Variants in ERBB4 observed in about 807,000 individuals in gnomAD.
The protein encoded by ERBB4 is receptor tyrosine-protein kinase erbB-4.
Under a neutral mutation model 158.0 loss-of-function variants are expected in ERBB4, and 42 were observed. The observed-to-expected ratio is 0.27, with a 90% CI of 0.21 to 0.34. The LOEUF is 0.34. ERBB4 is among the 10% of genes least tolerant of loss of function. The pLI, the probability that ERBB4 is intolerant of heterozygous loss-of-function variation, is 1.00. For missense variants in ERBB4, 1,333 were observed against 1,624.1 expected (o/e 0.82, Z 3.08); for synonymous variants, 583 against 558.7 (o/e 1.04, Z -0.61).
At position 211,672,455 on chromosome 2, in the gene ERBB4, T is replaced by C. The variant is rs546234509; in HGVS notation, c.1716+709A>G. ...TTATAATTTTCTCTCTGAGGCTAAC[T>C]TCAAACTATGTAAATGAGACCTCAT... On this transcript the variant is annotated intron_variant, in intron 14 of 27. Transcript: ENST00000342788. Among the ~76,000 whole-genome samples the C allele has an allele frequency of 6.6e-5, 10 of 152,284 alleles. No individual in the cohort carries two copies. In the East Asian group the frequency reaches 1.7e-3, roughly 26 times the overall value.
intron 2 of ERBB4, among the ~76,000 whole-genome samples, chr2:211,989,754 T>C (rs2082025786): frequency 6.6e-6 from 1 of 151,948 alleles, no homozygotes; most frequent in South Asian, 2.1e-4. Flanking sequence ...TGAGTTTTTA[T>C]GAATAAAAAA....
chr2:212,374,373 CACATT>C (rs1466493220), intron 1 of ERBB4, among the ~76,000 whole-genome samples: 4 of 151,782 alleles, frequency 2.6e-5, no homozygotes, highest in African/African-American at 9.7e-5. Flanking sequence ...AAGGGAACAG[CACATT>C]ATAGTATAGC....
chr2:212,274,227 C>A (rs978206980), intron 1 of ERBB4, among the ~76,000 whole-genome samples: 43 of 151,956 alleles, frequency 2.8e-4, no homozygotes, highest in African/African-American at 1.0e-3. Context: ...ATCTACAGGA[C>A]ATATCAAGCA....
chr2:212,207,288 A>G (rs2082792747), intron 1 of ERBB4, among the ~76,000 whole-genome samples: 1 of 152,224 alleles, frequency 6.6e-6, no homozygotes, highest in Non-Finnish European at 1.5e-5. Flanking sequence ...AAGAGATAAG[A>G]AAGTGGAGTC....
intron 2 of ERBB4, among the ~76,000 whole-genome samples, chr2:212,035,007 A>G (rs1163422315): frequency 6.6e-6 from 1 of 152,214 alleles, no homozygotes; most frequent in Non-Finnish European, 1.5e-5. Context: ...AAGCAGTAGG[A>G]AAATATCTTA....
intron 11 of ERBB4, among the ~76,000 whole-genome samples, chr2:211,703,814 C>T (rs1401744758): frequency 6.6e-6 from 1 of 152,178 alleles, no homozygotes; most frequent in Non-Finnish European, 1.5e-5. Flanking sequence ...ATTGTGATAA[C>T]ATCTGATAAA....
intron 1 of ERBB4, among the ~76,000 whole-genome samples, chr2:212,218,343 AT>A (rs1322762014): frequency 6.6e-6 from 1 of 151,208 alleles, no homozygotes; most frequent in Non-Finnish European, 1.5e-5. Flanking sequence ...AGAAAGATAA[AT>A]TTTTCCCTAA....
intron 20 of ERBB4, among the ~76,000 whole-genome samples, chr2:211,558,093 C>T (rs777813178): frequency 5.3e-5 from 8 of 152,114 alleles, no homozygotes; most frequent in Non-Finnish European, 1.2e-4. Context: ...CGGAAACACA[C>T]ACTAGGGCCT....
intron 2 of ERBB4, among the ~76,000 whole-genome samples, chr2:212,059,780 C>G (rs189354658): frequency 6.6e-6 from 1 of 152,252 alleles, no homozygotes; most frequent in East Asian, 1.9e-4. Context: ...ACACCTTATA[C>G]AAAAATTAAT....
intron 1 of ERBB4, among the ~76,000 whole-genome samples, chr2:212,240,755 G>A (rs546114000): frequency 1.3e-4 from 19 of 149,588 alleles, no homozygotes; most frequent in Admixed American, 4.7e-4. Context: ...AGATCATATC[G>A]TTTGCCTTTC....
At chr2:212,226,413 G>GGT (rs991683150) in intron 1 of ERBB4, among the ~76,000 whole-genome samples, 5 of 151,404 alleles carry the variant, frequency 3.3e-5, no homozygotes. Flanking sequence ...AAAGACATGG[G>GGT]GGGGGGTTTG....
At chr2:212,017,354 T>C (rs1575522311) in intron 2 of ERBB4, among the ~76,000 whole-genome samples, 1 of 152,152 alleles carries the variant, frequency 6.6e-6, no homozygotes, top group South Asian at 2.1e-4. Context: ...CACAACTCTA[T>C]TTCAGTATAA....
At chr2:211,500,874 G>C (rs2065598071) in intron 20 of ERBB4, among the ~76,000 whole-genome samples, 2 of 151,826 alleles carry the variant, frequency 1.3e-5, no homozygotes, top group Non-Finnish European at 2.9e-5. Context: ...GGTATAATAG[G>C]TTTGGCATTA....
chr2:211,822,061 C>T (rs2077007524), intron 3 of ERBB4, among the ~76,000 whole-genome samples: 1 of 151,808 alleles, frequency 6.6e-6, no homozygotes, highest in Non-Finnish European at 1.5e-5. Flanking sequence ...GAAAGTTAAA[C>T]TCTGCATGAT....
intron 1 of ERBB4, among the ~76,000 whole-genome samples, chr2:212,370,408 A>G (rs1039962099): frequency 6.6e-6 from 1 of 152,158 alleles, no homozygotes; most frequent in Non-Finnish European, 1.5e-5. Context: ...CAAACACTAA[A>G]TTCAGAAACG....
At chr2:212,380,341 G>T (rs976883832) in intron 1 of ERBB4, among the ~76,000 whole-genome samples, 2 of 151,220 alleles carry the variant, frequency 1.3e-5, no homozygotes, top group African/African-American at 4.8e-5. Flanking sequence ...GTAATTTAGA[G>T]ATGATTTAAA....
intron 12 of ERBB4, among the ~76,000 whole-genome samples, chr2:211,687,173 T>C (rs1397345038): frequency 1.4e-5 from 2 of 147,184 alleles, no homozygotes; most frequent in Non-Finnish European, 3.0e-5. Context: ...GGCGTGGTGG[T>C]GGGCGCCTGT....
intron 3 of ERBB4, among the ~76,000 whole-genome samples, chr2:211,790,470 T>G (rs1433419548): frequency 6.6e-6 from 1 of 152,090 alleles, no homozygotes; most frequent in Non-Finnish European, 1.5e-5. Flanking sequence ...AATCAGATTA[T>G]ATTATACTGA....
intron 1 of ERBB4, among the ~76,000 whole-genome samples, chr2:212,526,927 A>G (rs1293720589): frequency 6.6e-6 from 1 of 152,104 alleles, no homozygotes; most frequent in African/African-American, 2.4e-5. Flanking sequence ...AATTAGGAAT[A>G]AAGCCATTTT....
Sources: gnomAD v4.1 joint callset for allele counts (sites outside exome capture counted in the v4.1 genomes callset) on GRCh38, gnomAD v4.1.1 for gene constraint, MANE v1.5 for transcripts, NCBI Gene and HGNC (gene_info 2026-07-23, HGNC 2026-07-21) for gene names.